Variants in PCGF5 observed in about 807,000 individuals in gnomAD.
PCGF5 encodes polycomb group RING finger protein 5.
In PCGF5, 9 loss-of-function variants were observed where a neutral mutation model predicts 44.3. The observed-to-expected ratio is 0.20, with a 90% CI of 0.12 to 0.35. The LOEUF (loss-of-function observed/expected upper bound fraction) is 0.35, where lower values mean the gene tolerates loss of function less well. Ranked by LOEUF, PCGF5 falls within the 10% of genes least tolerant of loss-of-function variation. The pLI is 1.00. For synonymous variants in PCGF5, 95 were observed against 102.5 expected (o/e 0.93, Z 0.44); for missense variants, 146 against 305.3 (o/e 0.48, Z 3.89).
chr10:91,198,791 T>C (rs538131421), intron 1 of PCGF5, among the ~76,000 whole-genome samples: 1 of 152,324 alleles, frequency 6.6e-6, no homozygotes, highest in African/African-American at 2.4e-5. Context: ...CTCTTAAGGA[T>C]TGGATGTAGT....
chr10:91,194,742 A>T (rs10785996), intron 1 of PCGF5, among the ~76,000 whole-genome samples: 77,834 of 152,026 alleles, frequency 0.51, 25,003 homozygotes, highest in Non-Finnish European at 0.71. Context: ...CAAGAGCATA[A>T]GTAGAGATAG....
chr10:91,228,570 G>A (rs1315890127), intron 2 of PCGF5, among the ~76,000 whole-genome samples: 2 of 152,076 alleles, frequency 1.3e-5, no homozygotes, highest in South Asian at 2.1e-4. Context: ...TATAGTTGAC[G>A]TGATAAGAGA....
chr10:91,246,240 T>C (rs1158374698), intron 3 of PCGF5, among the ~76,000 whole-genome samples: 2 of 152,204 alleles, frequency 1.3e-5, no homozygotes, highest in African/African-American at 4.8e-5. Flanking sequence ...TGCTGTTTTT[T>C]ATTCACTCCT....
intron 9 of PCGF5, among the ~76,000 whole-genome samples, chr10:91,272,045 A>C (rs767320353): frequency 2.6e-5 from 4 of 152,260 alleles, no homozygotes; most frequent in Non-Finnish European, 5.9e-5. Flanking sequence ...TCATTCAACC[A>C]CAAGTGAAAT....
intron 1 of PCGF5, among the ~76,000 whole-genome samples, chr10:91,171,718 G>A (rs527450251): frequency 9.0e-4 from 137 of 152,280 alleles, no homozygotes; most frequent in African/African-American, 3.2e-3. Context: ...GAGGTTCTGA[G>A]GGTAGTGGTG....
At chr10:91,231,675 C>G (rs979344413) in intron 2 of PCGF5, among the ~76,000 whole-genome samples, 1 of 152,160 alleles carries the variant, frequency 6.6e-6, no homozygotes, top group African/African-American at 2.4e-5. Context: ...TTTGCTTTTA[C>G]TCTGAGAGAA....
chr10:91,277,707 GCTA>G (rs1846351356), intron 9 of PCGF5, among the ~76,000 whole-genome samples: 1 of 152,144 alleles, frequency 6.6e-6, no homozygotes, highest in Non-Finnish European at 1.5e-5. Context: ...GTAACAATCA[GCTA>G]CTTTTTCAAT....
At chr10:91,161,190 A>C (rs1209509721), upstream of PCGF5, among the ~76,000 whole-genome samples, 2 of 152,318 alleles carry the variant, frequency 1.3e-5, no homozygotes, top group African/African-American at 4.8e-5. Flanking sequence ...TCAGGGGAGA[A>C]GGCACGTCCA....
upstream of PCGF5, among the ~76,000 whole-genome samples, chr10:91,218,057 G>A (rs1589373807): frequency 6.6e-6 from 1 of 152,214 alleles, no homozygotes; most frequent in South Asian, 2.1e-4. Flanking sequence ...AAAGTGCTGG[G>A]ATTACAGGCG....
Position 91,248,555 on chromosome 10 carries a change from G to A in PCGF5, c.260G>A (p.Arg87Gln), listed in dbSNP as rs765552152. 8 of 1,612,838 alleles carry A rather than the reference G, an allele frequency of 5.0e-6. No individual in the cohort carries two copies. The highest frequency in any genetic ancestry group is 2.2e-5 in the East Asian group (1 of 44,826). Residue 87 changes from arginine to glutamine, a missense_variant, in exon 4 of 10, where the codon CGA (arginine) becomes CAA (glutamine). Transcript: ENST00000336126. ...EIIFKLVPGL[R>Q]EQELERESEF... ...ATATTTAAGCTGGTCCCTGGACTAC[G>A]AGAACGTAAGTGGCTCTTTAGGTTC... is the stretch of plus-strand genomic sequence containing the variant.
At chr10:91,208,802 G>C (rs1463747948) in intron 1 of PCGF5, among the ~76,000 whole-genome samples, 1 of 152,172 alleles carries the variant, frequency 6.6e-6, no homozygotes, top group Non-Finnish European at 1.5e-5. Flanking sequence ...TGGTTTCTGG[G>C]ACCATGGGAA....
upstream of PCGF5, among the ~76,000 whole-genome samples, chr10:91,216,335 G>A (rs1257634738): frequency 6.6e-6 from 1 of 152,188 alleles, no homozygotes. Flanking sequence ...GGGGAAGGGT[G>A]AGGGGATAAA....
At chr10:91,186,613 T>C (rs888243709) in intron 1 of PCGF5, among the ~76,000 whole-genome samples, 18 of 126,632 alleles carry the variant, frequency 1.4e-4, no homozygotes, top group African/African-American at 3.5e-4. Context: ...TATACACACA[T>C]ATATATGTAA....
At chr10:91,256,598 A>G (rs1395162375) in intron 6 of PCGF5, among the ~76,000 whole-genome samples, 1 of 152,116 alleles carries the variant, frequency 6.6e-6, no homozygotes, top group African/African-American at 2.4e-5. Context: ...GAAGCTTAAC[A>G]ATCTTCAGGT....
At position 91,182,467 on chromosome 10, in the gene PCGF5, ATATATTTTAT is replaced by A. The variant is rs1767752855; in HGVS notation, c.-184+19390_-184+19399del. Among the ~76,000 whole-genome samples, 3 of 151,748 alleles carry A rather than the reference ATATATTTTAT, an allele frequency of 2.0e-5. No individual in the cohort carries two copies. The South Asian group carries it at 6.2e-4, about 31-fold the overall frequency. The stretch of plus-strand genomic sequence containing the variant: ...TCTTTATTAGTTTAGCTAGTTGTCT[ATATATTTTAT>A]TATTTTTTTCAAAAGCAAGCTCCTG... On this transcript the variant is annotated intron_variant, in intron 1 of 9. Coordinates refer to the PCGF5 transcript ENST00000614189.
chr10:91,217,163 AGC>A (rs1354377521), upstream of PCGF5, among the ~76,000 whole-genome samples: 1 of 152,078 alleles, frequency 6.6e-6, no homozygotes, highest in Non-Finnish European at 1.5e-5. Context: ...CCTCCTGAGT[AGC>A]TGGGACTACA....
intron 2 of PCGF5, among the ~76,000 whole-genome samples, chr10:91,234,960 TTTAA>T (rs1206863470): frequency 2.6e-5 from 4 of 152,208 alleles, no homozygotes; most frequent in Non-Finnish European, 5.9e-5. Flanking sequence ...TCACAAATTC[TTTAA>T]TTATTTTTTG....
intron 7 of PCGF5, 32 bp from the exon 8 acceptor site, chr10:91,264,399 T>C: frequency 6.7e-7 from 1 of 1,487,256 alleles, no homozygotes; most frequent in African/African-American, 1.4e-5. Context: ...TTCAACATTA[T>C]GTTAATAGAT....
chr10:91,182,727 A>G (rs190320709), intron 1 of PCGF5, among the ~76,000 whole-genome samples: 1 of 151,454 alleles, frequency 6.6e-6, no homozygotes, highest in Admixed American at 6.6e-5. Context: ...TGTCCTGGAG[A>G]CTCTGTTACA....
Sources: allele counts gnomAD v4.1 joint callset (sites outside exome capture counted in the v4.1 genomes callset), GRCh38; gene constraint gnomAD v4.1.1; transcripts MANE v1.5; gene names NCBI Gene and HGNC (gene_info 2026-07-23, HGNC 2026-07-21).